The following SELENOS variants were observed in gnomAD, a reference collection of about 807,000 sequenced individuals.
SELENOS encodes VCP interacting membrane selenoprotein.
SELENOS carries 37 observed loss-of-function variants against 30.2 expected under a neutral mutation model. That is an observed-to-expected ratio of 1.23 (90% CI 0.94 to 1.61). The LOEUF (loss-of-function observed/expected upper bound fraction) is 1.61, where lower values mean the gene tolerates loss of function less well. Ranked by LOEUF, SELENOS falls within the 40% of genes most tolerant of loss-of-function variation. The pLI is 0.00. For synonymous variants in SELENOS, 119 were observed against 91.6 expected (o/e 1.30, Z -1.71); for missense variants, 289 against 231.8 (o/e 1.25, Z -1.60).
chr15:101,274,350 T>C (rs1218198515), intron 5 of SELENOS, 70 bp downstream of exon 5: 1 of 1,487,686 alleles, frequency 6.7e-7, no homozygotes, highest in Non-Finnish European at 9.2e-7. Flanking sequence ...CAAACAATCT[T>C]GTTCCTAAAA....
rs78551529 is a variant in SELENOS, at chr15:101,274,945, G to C, written c.319-264C>G. 3,085 of 577,660 alleles carry C rather than the reference G, an allele frequency of 5.3e-3. 131 individuals are homozygous for C. In the East Asian group the frequency reaches 0.078, roughly 15 times the overall value. The allele number at this position is 577,660 out of a possible 1,614,324, so 35.8% of individuals were successfully genotyped here. ...TTCTTCTGAAACTCACTCCTGTCAG[G>C]ACATTTTTGGTAATGGGGAAGACAC... On this transcript the variant is annotated intron_variant, in intron 3 of 5. Transcript: ENST00000526049.
chr15:101,271,217 A>G (rs1176915868), downstream of SELENOS: 1 of 152,226 alleles, frequency 6.6e-6, no homozygotes. Context: ...GAAGAATGTT[A>G]AAAAGTTTCC....
intron 2 of SELENOS, among the ~76,000 whole-genome samples, chr15:101,276,045 C>T (rs2039322931): frequency 1.3e-5 from 2 of 151,640 alleles, no homozygotes; most frequent in South Asian, 2.1e-4. Flanking sequence ...GCCTCAGCCA[C>T]CCTAATAGCT....
At position 101,276,591 on chromosome 15, in the gene SELENOS, C is replaced by T. The variant is rs376209946; in HGVS notation, c.161G>A (p.Arg54Gln). 1.1e-5 allele frequency: 18 copies of T among 1,613,642 alleles called. No homozygotes were observed. The highest frequency in any genetic ancestry group is 1.1e-4 in the South Asian group (10 of 91,064). Reference protein sequence around the residue: ...LYVVFQKLSARLRALRQRQLD... With the variant: ...LYVVFQKLSAQLRALRQRQLD... ...CTGCCTCTGCCTCAAGGCTCTTAGC[C>T]GGGCGGAAAGCTTCTGAAAGACCAC... The change falls in exon 2 of 6, where the codon CGG (arginine) becomes CAG (glutamine). Residue 54 changes from arginine to glutamine, a missense_variant. By Grantham distance (43) the Arg-to-Gln change is conservative (BLOSUM62 1). Transcript: ENST00000526049.
In SELENOS at chr15:101,274,631, T is replaced by C. The variant is rs1369898055; in HGVS notation, c.369A>G (p.Gln123=). Residue 123 remains glutamine (Q), a synonymous_variant, in exon 4 of 6, where the codon CAA becomes CAG. Transcript: ENST00000526049. ...CATTTCCTTTGTAACTTTTTCCTTC[T>C]TGCATGCTGTCCCACATTTCAATCT... ...RQKIEMWDSM[Q]EGKSYKGNAK... 5 of 1,613,726 alleles carry C rather than the reference T, an allele frequency of 3.1e-6. No homozygotes were observed. In the South Asian group the frequency reaches 3.3e-5, roughly 11 times the overall value.
chr15:101,275,020 C>T, intron 3 of SELENOS: 1 of 566,600 alleles, frequency 1.8e-6, no homozygotes. Flanking sequence ...GCCTGTCCCT[C>T]CTTTTGTGCT....
Position 101,275,267 on chromosome 15 carries a change from T to A in SELENOS, c.306A>T (p.Glu102Asp). Residue 102 changes from glutamate to aspartate, a missense_variant, in exon 3 of 6, where the codon GAA becomes GAT. Transcript: ENST00000526049. ...AACCAGTTCATACTTGTTTCAGTTT[T>A]TCCTTATGCTTTTCAACTTGCGCAT... ...ELNAQVEKHK[E>D]KLKQLEEEKR... The A allele has an allele frequency of 6.4e-7, 1 of 1,557,602 alleles. No individual in the cohort carries two copies.
intron 3 of SELENOS, 56 bp downstream of exon 3, chr15:101,275,199 G>A: frequency 1.4e-6 from 2 of 1,428,552 alleles, no homozygotes; most frequent in Non-Finnish European, 1.9e-6. Context: ...GGCATCGTTA[G>A]CCACTAAACC....
chr15:101,277,138 C>T (rs2039337356), intron 1 of SELENOS: 13 of 895,372 alleles, frequency 1.5e-5, no homozygotes, highest in Non-Finnish European at 2.1e-5. Context: ...CAAGGGACAG[C>T]CGAGCCGCCC....
rs1417086532 is a variant in SELENOS, at chr15:101,277,395, A to T, written c.23T>A (p.Leu8Gln). Reference sequence around the variant, plus strand: ...GGTCTCCAGGGCCGGCCGCGCGGACAGAGACTCCTCTTGGCGTTCCATGAC... The same window carrying T: ...GGTCTCCAGGGCCGGCCGCGCGGACTGAGACTCCTCTTGGCGTTCCATGAC... MERQEESLSARPALETEG... is the reference protein window; with the variant it reads MERQEESQSARPALETEG... Residue 8 changes from leucine (L) to glutamine (Q), a missense_variant, in exon 1 of 6, where the codon CTG becomes CAG. Coordinates refer to ENST00000526049, the MANE Select transcript of SELENOS (RefSeq NM_018445.6). 1.3e-6 allele frequency: 2 copies of T among 1,502,724 alleles called. No homozygotes were observed. The highest frequency in any genetic ancestry group is 2.5e-5 in the South Asian group (2 of 80,660). 93.1% of individuals were successfully genotyped at this position (1,502,724 alleles called of 1,614,324 possible).
rs573592518 is a variant in SELENOS, at chr15:101,276,590, C to G, written c.162G>C (p.Arg54=). 1.2e-5 allele frequency: 19 copies of G among 1,613,678 alleles called. No individual in the cohort carries two copies. The highest frequency in any genetic ancestry group is 1.6e-5 in the Non-Finnish European group (19 of 1,179,838). The change falls in exon 2 of 6, where the codon CGG becomes CGC. Residue 54 remains arginine (R), a synonymous_variant. Coordinates refer to ENST00000526049, the MANE Select transcript of SELENOS (RefSeq NM_018445.6). ...LYVVFQKLSA[R]LRALRQRQLD... is the part of the protein sequence containing the mutation. ...GCTGCCTCTGCCTCAAGGCTCTTAG[C>G]CGGGCGGAAAGCTTCTGAAAGACCA...
chr15:101,277,225 C>T, intron 1 of SELENOS, 117 bp downstream of exon 1: 2 of 1,493,974 alleles, frequency 1.3e-6, no homozygotes, highest in Non-Finnish European at 1.8e-6. Context: ...CGCCAACGCC[C>T]GACCGTTCCC....
At chr15:101,273,080 C>T (rs1402080287) in intron 5 of SELENOS, among the ~76,000 whole-genome samples, 5 of 151,912 alleles carry the variant, frequency 3.3e-5, no homozygotes, top group African/African-American at 7.3e-5. Context: ...AGTCATTCAG[C>T]TTCTTTGTCC....
At position 101,272,581 on chromosome 15, in the gene SELENOS, A is replaced by G; in HGVS notation, c.*190T>C. The G allele has an allele frequency of 1.8e-6, 1 of 552,440 alleles. No homozygotes were observed. The highest frequency in any genetic ancestry group is 3.2e-6 in the Non-Finnish European group (1 of 310,048). 34.2% of individuals were successfully genotyped at this position (552,440 alleles called of 1,614,324 possible). ...ACTGTCTCCAAGTAGAATGTGACCA[A>G]TGACCTCATGCCTAGAGGCAACATC... On this transcript the variant is annotated 3_prime_UTR_variant, in exon 6 of 6. Transcript: ENST00000526049.
In SELENOS at chr15:101,272,968, C is replaced by G. The variant is rs574026682; in HGVS notation, c.485-112G>C. The G allele has an allele frequency of 2.4e-4, 219 of 919,382 alleles. No homozygotes were observed. In the South Asian group the frequency reaches 3.3e-3, roughly 14 times the overall value. The allele number at this position is 919,382 out of a possible 1,614,324, so 57.0% of individuals were successfully genotyped here. On this transcript the variant is annotated intron_variant, in intron 5 of 5. Transcript: ENST00000526049. ...TGACACGCAAAGCACTGCAAAGATA[C>G]AGATCCTAAGGGACATTTAAAAAAA...
At chr15:101,272,944 G>T in intron 5 of SELENOS, 88 bp from the exon 6 acceptor site, 1 of 1,201,748 alleles carries the variant, frequency 8.3e-7, no homozygotes, top group South Asian at 1.3e-5. Flanking sequence ...TTATGAGAGT[G>T]ACACGCAAAG....
Position 101,272,612 on chromosome 15 carries a change from C to T in SELENOS, c.*159G>A, listed in dbSNP as rs530996877. The T allele has an allele frequency of 1.5e-6, 1 of 676,170 alleles. No homozygotes were observed. Among genetic ancestry groups the T allele is most frequent in the Non-Finnish European group, 2.6e-6 (1 of 390,962 alleles). 41.9% of individuals were successfully genotyped at this position (676,170 alleles called of 1,614,324 possible). ...TCATGCCTAGAGGCAACATCTATAC[C>T]TTTTGCTGACTGGAGCCCTGACATA... On this transcript the variant is annotated 3_prime_UTR_variant, in exon 6 of 6. Transcript: ENST00000526049.
intron 3 of SELENOS, 75 bp downstream of exon 3, chr15:101,275,180 A>G: frequency 7.6e-7 from 1 of 1,313,060 alleles, no homozygotes. Flanking sequence ...TATAGACAAC[A>G]CAGACACAGG....
chr15:101,276,396 G>A (rs977549576), intron 2 of SELENOS, 145 bp downstream of exon 2: 2 of 1,134,298 alleles, frequency 1.8e-6, no homozygotes, highest in Admixed American at 3.4e-5. Flanking sequence ...CTACAGGTGC[G>A]TGCCGCCACT....
Sources: allele counts gnomAD v4.1 joint callset (sites outside exome capture counted in the v4.1 genomes callset), GRCh38; gene constraint gnomAD v4.1.1; transcripts MANE v1.5; gene names NCBI Gene and HGNC (gene_info 2026-07-23, HGNC 2026-07-21).